Variants in FRMD6 observed in about 807,000 individuals in gnomAD.
FRMD6 encodes the protein FERM domain-containing protein 6.
A neutral mutation model predicts 73.2 loss-of-function variants in FRMD6; 37 were observed. The observed-to-expected ratio is 0.51, with a 90% CI of 0.39 to 0.66. The LOEUF is 0.66. FRMD6 is among the 30% of genes least tolerant of loss of function. FRMD6 has a pLI of 0.00. For missense variants in FRMD6, 714 were observed against 780.5 expected (o/e 0.91, Z 1.02); for synonymous variants, 273 against 282.2 (o/e 0.97, Z 0.33).
At chr14:51,723,061 G>A (rs376936818) in intron 12 of FRMD6, among the ~76,000 whole-genome samples, 1 of 152,318 alleles carries the variant, frequency 6.6e-6, no homozygotes, top group African/African-American at 2.4e-5. Flanking sequence ...AGACCTGCCT[G>A]TAGCTGCAGG....
chr14:51,653,609 A>G (rs1892593391), intron 1 of FRMD6, among the ~76,000 whole-genome samples: 1 of 152,198 alleles, frequency 6.6e-6, no homozygotes, highest in Non-Finnish European at 1.5e-5. Flanking sequence ...CAGGACCTAC[A>G]GGATGGAGAG....
chr14:51,725,812 C>G lies in FRMD6; in HGVS notation c.1526C>G (p.Ser509Trp), dbSNP rs140747292. Residue 509 changes from serine (S) to tryptophan (W), a missense_variant, in exon 13 of 14, where the codon TCG becomes TGG. Coordinates refer to ENST00000344768, the MANE Select transcript of FRMD6 (RefSeq NM_001267046.2). ...GTGAAAGAAATTGGGTCTTCCACCT[C>G]GAGCTCTTCAGAAACAGTTGTTAAG... The part of the protein sequence containing the change: ...LIVKEIGSST[S>W]SSSETVVKLR... The G allele has an allele frequency of 6.8e-6, 11 of 1,613,712 alleles. No homozygotes were observed. The East Asian group carries it at 2.0e-4, about 29-fold the overall frequency.
chr14:51,459,884 C>CTCTTTTTTTTTTT, the FRMD6 span, among the ~76,000 whole-genome samples: 7 of 74,652 alleles, frequency 9.4e-5, no homozygotes, highest in African/African-American at 3.5e-4. Context: ...TACTGACTCT[C>CTCTTTTTTTTTTT]TTTTTTTTTT....
intron 2 of FRMD6, among the ~76,000 whole-genome samples, chr14:51,646,060 T>C (rs572924364): frequency 6.6e-6 from 1 of 151,962 alleles, no homozygotes; most frequent in African/African-American, 2.4e-5. Context: ...GGCTCAAGCC[T>C]GTAATCCCAG....
At chr14:51,460,840 A>G in the FRMD6 span, among the ~76,000 whole-genome samples, 1 of 152,248 alleles carries the variant, frequency 6.6e-6, no homozygotes, top group Non-Finnish European at 1.5e-5. Context: ...AACTGTGGTA[A>G]TAAGATAAAG....
At chr14:51,653,843 C>T (rs913788010) in intron 1 of FRMD6, among the ~76,000 whole-genome samples, 20 of 152,172 alleles carry the variant, frequency 1.3e-4, no homozygotes, top group African/African-American at 4.1e-4. Context: ...ATTCATATTT[C>T]ATATTAAAAT....
the FRMD6 span, among the ~76,000 whole-genome samples, chr14:51,402,152 C>T: frequency 6.6e-6 from 1 of 152,132 alleles, no homozygotes; most frequent in East Asian, 1.9e-4. Context: ...TATAAAAAGG[C>T]TGGGATAAAA....
At chr14:51,706,443 A>C (rs1019750000) in intron 6 of FRMD6, among the ~76,000 whole-genome samples, 1 of 152,096 alleles carries the variant, frequency 6.6e-6, no homozygotes, top group African/African-American at 2.4e-5. Context: ...GCTCCCATGC[A>C]TAACCTAGAA....
At chr14:51,722,147 C>T in intron 12 of FRMD6, 67 bp downstream of exon 12, 1 of 1,574,876 alleles carries the variant, frequency 6.3e-7, no homozygotes, top group Non-Finnish European at 8.7e-7. Flanking sequence ...ACACATGCCT[C>T]AGAAAATAGA....
At chr14:51,615,220 G>C (rs1488615291) in intron 2 of FRMD6, among the ~76,000 whole-genome samples, 1 of 152,124 alleles carries the variant, frequency 6.6e-6, no homozygotes, top group Non-Finnish European at 1.5e-5. Context: ...AATGGTGTTG[G>C]ATTCTAAAAT....
Position 51,585,960 on chromosome 14 carries a change from T to TATATATATATAA in FRMD6, c.-147+15551_-147+15552insTATATATATAAA, listed in dbSNP as rs369811499. On this transcript the variant is annotated intron_variant, in intron 2 of 14. Coordinates refer to the FRMD6 transcript ENST00000356218. ...GTGTGTATATATATATATATATATA[T>TATATATATATAA]AACATTTTCTTTATCAAACCTTTGT... 4.2e-3 allele frequency among the ~76,000 whole-genome samples: 381 copies of TATATATATATAA among 91,138 alleles called. 42 individuals are homozygous for TATATATATATAA. The highest frequency in any genetic ancestry group is 6.3e-3 in the Non-Finnish European group (269 of 42,608). The allele number at this position is 91,138 out of a possible 152,430, so 59.8% of individuals were successfully genotyped here.
chr14:51,558,465 C>CA lies in FRMD6; in HGVS notation c.-209-11873dup, dbSNP rs1355547934. On this transcript the variant is annotated intron_variant, in intron 1 of 14. Coordinates refer to the FRMD6 transcript ENST00000356218. The stretch of plus-strand genomic sequence containing the variant: ...CCCAGGCGGCAGAGCAAGACTGTCT[C>CA]AAAAAAAAAACAAAAAACAAAAAAC... Among the ~76,000 whole-genome samples the CA allele has an allele frequency of 1.5e-3, 185 of 123,920 alleles. 2 individuals are homozygous for CA. The highest frequency in any genetic ancestry group is 0.012 in the East Asian group (54 of 4,364). The allele number at this position is 123,920 out of a possible 152,430, so 81.3% of individuals were successfully genotyped here.
At chr14:51,636,722 C>A (rs1245385558) in intron 2 of FRMD6, among the ~76,000 whole-genome samples, 1 of 152,134 alleles carries the variant, frequency 6.6e-6, no homozygotes, top group East Asian at 1.9e-4. Flanking sequence ...TTCGTTGTTA[C>A]AAGGTAAGGT....
chr14:51,487,157 C>T (rs761684070), upstream of FRMD6, among the ~76,000 whole-genome samples: 2 of 152,080 alleles, frequency 1.3e-5, no homozygotes, highest in African/African-American at 2.4e-5. Context: ...TGTACAGTGT[C>T]CCAGTATTGT....
chr14:51,614,688 T>C (rs2139885673), intron 2 of FRMD6, among the ~76,000 whole-genome samples: 1 of 152,324 alleles, frequency 6.6e-6, no homozygotes, highest in Non-Finnish European at 1.5e-5. Flanking sequence ...TAAAGAATAC[T>C]TTTTTCTGGA....
the FRMD6 span, among the ~76,000 whole-genome samples, chr14:51,419,038 C>T: frequency 6.6e-6 from 1 of 152,202 alleles, no homozygotes; most frequent in East Asian, 1.9e-4. Flanking sequence ...ATTGGAAAAG[C>T]ACAGTATTTG....
chr14:51,505,315 T>A (rs1470925090), intron 1 of FRMD6, among the ~76,000 whole-genome samples: 4 of 152,196 alleles, frequency 2.6e-5, no homozygotes, highest in Non-Finnish European at 5.9e-5. Context: ...AAGCAATCTC[T>A]CACCTCAGCC....
the FRMD6 span, among the ~76,000 whole-genome samples, chr14:51,399,839 A>G: frequency 0.1 from 15,215 of 152,244 alleles, 834 homozygotes; most frequent in Middle Eastern, 0.17. Context: ...AGTAGAAATA[A>G]GAGGTTTTGT....
At chr14:51,596,633 G>T (rs1332182139) in intron 2 of FRMD6, among the ~76,000 whole-genome samples, 1 of 152,168 alleles carries the variant, frequency 6.6e-6, no homozygotes, top group Non-Finnish European at 1.5e-5. Flanking sequence ...GGTGGCCTGA[G>T]CTGTGGCTGA....
Sources: gnomAD v4.1 joint callset for allele counts (sites outside exome capture counted in the v4.1 genomes callset) on GRCh38, gnomAD v4.1.1 for gene constraint, MANE v1.5 for transcripts, NCBI Gene and HGNC (gene_info 2026-07-23, HGNC 2026-07-21) for gene names.